Variants in DMD observed in about 807,000 individuals in gnomAD.
DMD encodes the protein mutant dystrophin.
A neutral mutation model predicts 330.1 loss-of-function variants in DMD; 63 were observed. That is an observed-to-expected ratio of 0.19 (90% CI 0.16 to 0.24). The LOEUF is 0.24. Ranked by LOEUF, DMD falls within the 10% of genes least tolerant of loss-of-function variation. The pLI, the probability that DMD is intolerant of heterozygous loss-of-function variation, is 1.00. For synonymous variants in DMD, 1,223 were observed against 959.8 expected (o/e 1.27, Z -5.07); for missense variants, 3,344 against 2,684.1 (o/e 1.25, Z -5.43).
chrX:31,326,722 A>G (rs781401095), intron 61 of DMD, among the ~76,000 whole-genome samples: 11 of 111,478 alleles, frequency 9.9e-5, no homozygotes, highest in African/African-American at 3.6e-4. Context: ...AGTTCTACGG[A>G]ATTGGGTTCA....
intron 7 of DMD, among the ~76,000 whole-genome samples, chrX:32,795,809 T>C (rs940346254): frequency 2.7e-4 from 30 of 111,338 alleles, no homozygotes; most frequent in Non-Finnish European, 5.3e-4. Flanking sequence ...CAATAATAAG[T>C]ATTTCTCAAA....
chrX:32,252,653 CAAATATATAAATATATATATAT>C lies in DMD; in HGVS notation c.6290+34854_6290+34875del, dbSNP rs1272958576. 2.0e-3 allele frequency among the ~76,000 whole-genome samples: 46 copies of C among 23,040 alleles called. 6 individuals carry two copies. Among genetic ancestry groups the C allele is most frequent in the African/African-American group, 6.8e-3 (40 of 5,896 alleles). 20.0% of individuals were successfully genotyped at this position (23,040 alleles called of 115,157 possible). On this transcript the variant is annotated intron_variant, in intron 43 of 78. Transcript: ENST00000357033. The stretch of plus-strand genomic sequence containing the variant: ...GTGTATATATAAATATATATAAATA[CAAATATATAAATATATATATAT>C]AAATATATAAATATATATATAAATA...
At chrX:31,452,710 T>C (rs2065850480) in intron 59 of DMD, among the ~76,000 whole-genome samples, 1 of 112,544 alleles carries the variant, frequency 8.9e-6, no homozygotes. Context: ...CTTCATCTTT[T>C]AGGACATGGC....
chrX:32,963,899 T>C (rs1188889890), intron 2 of DMD, among the ~76,000 whole-genome samples: 1 of 111,382 alleles, frequency 9.0e-6, no homozygotes, highest in East Asian at 2.8e-4. Context: ...TTTAAATATA[T>C]TTAAATTCAT....
intron 1 of DMD, among the ~76,000 whole-genome samples, chrX:33,322,942 T>C (rs937238679): frequency 9.0e-6 from 1 of 111,059 alleles, no homozygotes; most frequent in Non-Finnish European, 1.9e-5. Context: ...TTATTCTCCC[T>C]GAAAGTGGCC....
chrX:32,605,386 A>G (rs2056605706), intron 12 of DMD, among the ~76,000 whole-genome samples: 2 of 110,635 alleles, frequency 1.8e-5, no homozygotes, highest in South Asian at 7.4e-4. Context: ...ATAAATCACC[A>G]TATACAAAAA....
chrX:32,697,870 C>A lies in DMD; in HGVS notation c.960G>T (p.Gln320His), dbSNP rs772656026. ...CAACAGAGAGTAAATGTTGACAGACCTGTGAAGGAAATGGGCTCCGTGTAG... is the reference window on the plus strand; with the variant it reads ...CAACAGAGAGTAAATGTTGACAGACATGTGAAGGAAATGGGCTCCGTGTAG... ...SDPTRSPFPS[Q>H]HLEAPEDKSF... Residue 320 changes from glutamine to histidine, a missense_variant and splice_region_variant, in exon 9 of 79, where the codon CAG becomes CAT. Transcript: ENST00000357033. 4 of 1,208,268 alleles carry A rather than the reference C, an allele frequency of 3.3e-6. No homozygotes were observed. In the African/African-American group the frequency reaches 7.0e-5, roughly 21 times the overall value.
intron 44 of DMD, among the ~76,000 whole-genome samples, chrX:32,040,591 T>C (rs756235407): frequency 3.7e-4 from 41 of 110,893 alleles, no homozygotes; most frequent in African/African-American, 1.2e-3. Flanking sequence ...AAAAAGAAAG[T>C]TGGGGAGGAA....
At chrX:31,463,827 T>C (rs1033206474) in intron 59 of DMD, among the ~76,000 whole-genome samples, 7 of 111,467 alleles carry the variant, frequency 6.3e-5, no homozygotes, top group Non-Finnish European at 1.1e-4. Flanking sequence ...AGATGCCATC[T>C]ATACAACTCT....
At chrX:31,671,635 G>T (rs979395452) in intron 53 of DMD, among the ~76,000 whole-genome samples, 4 of 112,071 alleles carry the variant, frequency 3.6e-5, no homozygotes, top group Admixed American at 2.8e-4. Context: ...TTCATTGGGA[G>T]AAGTTTTTAA....
At chrX:32,755,992 T>TCA (rs1270824781) in intron 7 of DMD, among the ~76,000 whole-genome samples, 2 of 112,696 alleles carry the variant, frequency 1.8e-5, no homozygotes, top group Non-Finnish European at 3.8e-5. Context: ...TACCTGTCAT[T>TCA]CAGTTGCAGT....
At chrX:31,516,615 G>C (rs2072231012) in intron 55 of DMD, among the ~76,000 whole-genome samples, 1 of 111,935 alleles carries the variant, frequency 8.9e-6, no homozygotes, top group Admixed American at 9.5e-5. Context: ...CCACTGCATT[G>C]CGTTGCATCT....
intron 61 of DMD, among the ~76,000 whole-genome samples, chrX:31,331,861 C>A (rs1373869538): frequency 8.9e-6 from 1 of 111,963 alleles, no homozygotes; most frequent in Non-Finnish European, 1.9e-5. Flanking sequence ...AAATTTGAAA[C>A]CTGAGACAGT....
intron 55 of DMD, among the ~76,000 whole-genome samples, chrX:31,540,937 T>C (rs1206942987): frequency 4.4e-5 from 5 of 112,374 alleles, no homozygotes; most frequent in African/African-American, 1.6e-4. Flanking sequence ...AGGAATATCA[T>C]TTGGTGATAT....
chrX:31,686,041 C>A (rs752101324), intron 52 of DMD, among the ~76,000 whole-genome samples: 1 of 112,036 alleles, frequency 8.9e-6, no homozygotes, highest in Non-Finnish European at 1.9e-5. Flanking sequence ...ACAACCAAAC[C>A]ACTTTCACCA....
chrX:32,189,667 A>G (rs1034930199), intron 44 of DMD, among the ~76,000 whole-genome samples: 9 of 110,007 alleles, frequency 8.2e-5, no homozygotes, highest in African/African-American at 3.0e-4. Flanking sequence ...TTATTTCCGC[A>G]AAGTTATTAG....
At chrX:32,193,807 T>C (rs1411510846) in intron 44 of DMD, among the ~76,000 whole-genome samples, 3 of 111,560 alleles carry the variant, frequency 2.7e-5, no homozygotes, top group Non-Finnish European at 5.6e-5. Context: ...TTACATAAGG[T>C]AAATACCTTT....
At chrX:32,751,566 A>C (rs1304441967) in intron 7 of DMD, among the ~76,000 whole-genome samples, 1 of 112,017 alleles carries the variant, frequency 8.9e-6, no homozygotes. Flanking sequence ...GTTTGGAAAA[A>C]TTACAGCCTG....
chrX:32,807,122 TAAAAAAAAAAAAA>T (rs999286386), intron 7 of DMD, among the ~76,000 whole-genome samples: 1 of 20,744 alleles, frequency 4.8e-5, no homozygotes, highest in Admixed American at 6.5e-4. Context: ...CGGAAACATT[TAAAAAAAAAAAAA>T]AAAAAAAAAA....
Sources: allele counts gnomAD v4.1 joint callset (sites outside exome capture counted in the v4.1 genomes callset), GRCh38; gene constraint gnomAD v4.1.1; transcripts MANE v1.5; gene names NCBI Gene and HGNC (gene_info 2026-07-23, HGNC 2026-07-21).